RBFOX1: variants seen among roughly 807,000 people sequenced by gnomAD.
RBFOX1 encodes the protein RNA binding protein fox-1 homolog 1.
RBFOX1 carries 8 observed loss-of-function variants against 57.7 expected under a neutral mutation model. The observed-to-expected ratio is 0.14, with a 90% CI of 0.08 to 0.25. RBFOX1 has a LOEUF of 0.25. Ranked by LOEUF, RBFOX1 falls within the 10% of genes least tolerant of loss-of-function variation. The pLI is 1.00. For missense variants in RBFOX1, 611 were observed against 548.5 expected, an observed-to-expected ratio of 1.11 and a Z score of -1.14; for synonymous variants, 326 against 222.4, an observed-to-expected ratio of 1.47 and a Z score of -4.15.
At chr16:6,684,609 G>C (rs1231009197) in intron 3 of RBFOX1, among the ~76,000 whole-genome samples, 1 of 152,190 alleles carries the variant, frequency 6.6e-6, no homozygotes, top group Non-Finnish European at 1.5e-5. Context: ...GATTCTGTGA[G>C]TGAGATGAGG....
chr16:5,765,362 C>T (rs985543546), intron 3 of RBFOX1, among the ~76,000 whole-genome samples: 2 of 152,152 alleles, frequency 1.3e-5, no homozygotes, highest in African/African-American at 4.8e-5. Context: ...AGTCAAATTT[C>T]AGTTTCAATA....
rs183454548 is a variant in RBFOX1 at position 6,895,535 on chromosome 16, A to G, written c.-15-156522A>G. On this transcript the variant is annotated intron_variant, in intron 3 of 15. Coordinates refer to ENST00000550418, the MANE Select transcript of RBFOX1 (RefSeq NM_018723.4). ...GCTGTCGATTCCTCTCATGACCTCT[A>G]CAAGGCAGCTGCACATGATTGATGA... Among the ~76,000 whole-genome samples, 691 of 146,138 alleles carry G rather than the reference A, an allele frequency of 4.7e-3. 4 individuals carry two copies. The highest frequency in any genetic ancestry group is 0.017 in the African/African-American group (662 of 39,346).
intron 3 of RBFOX1, among the ~76,000 whole-genome samples, chr16:6,682,268 C>G (rs1006548714): frequency 2.0e-5 from 3 of 152,202 alleles, no homozygotes; most frequent in Non-Finnish European, 4.4e-5. Flanking sequence ...AGGAAGCACA[C>G]AGCCCTGCCT....
intron 1 of RBFOX1, among the ~76,000 whole-genome samples, chr16:6,076,919 C>T (rs986357123): frequency 3.3e-5 from 5 of 152,192 alleles, no homozygotes; most frequent in African/African-American, 1.2e-4. Flanking sequence ...AGCCAATGGT[C>T]AAGTTTGTTG....
intron 4 of RBFOX1, among the ~76,000 whole-genome samples, chr16:7,479,454 A>G (rs995341674): frequency 2.6e-5 from 4 of 152,100 alleles, no homozygotes; most frequent in African/African-American, 4.8e-5. Context: ...TTACTCTACA[A>G]TGCTTGCCCT....
At chr16:5,586,804 C>A (rs1040580110) in intron 2 of RBFOX1, among the ~76,000 whole-genome samples, 3 of 152,184 alleles carry the variant, frequency 2.0e-5, no homozygotes, top group African/African-American at 7.2e-5. Context: ...GCCCCCATTA[C>A]CCCCAGTTTT....
In RBFOX1 at chr16:5,999,892, AAAAAAAAAAAAAAAAGAGTG is replaced by A. The variant is rs1415710501; in HGVS notation, c.351+132560_351+132579del. The stretch of plus-strand genomic sequence containing the variant: ...CAAAAAAAAAAAAAAAAAAAAAAAA[AAAAAAAAAAAAAAAAGAGTG>A]AAGAAGGGAAATCAGACAAGGAAAG... On this transcript the variant is annotated intron_variant, in intron 4 of 19. Coordinates refer to the RBFOX1 transcript ENST00000641259. 4.7e-4 allele frequency among the ~76,000 whole-genome samples: 38 copies of A among 80,528 alleles called. 2 individuals carry two copies. Among genetic ancestry groups the A allele is most frequent in the Non-Finnish European group, 4.0e-4 (14 of 35,136 alleles). The allele number at this position is 80,528 out of a possible 152,430, so 52.8% of individuals were successfully genotyped here.
At chr16:7,032,847 T>A (rs1177586836) in intron 3 of RBFOX1, among the ~76,000 whole-genome samples, 1 of 152,214 alleles carries the variant, frequency 6.6e-6, no homozygotes, top group Non-Finnish European at 1.5e-5. Context: ...ATAGCCACTC[T>A]GGGAAACTTG....
At chr16:5,454,964 T>TTTCTTTCTTTCTTTCTTTCC in intron 1 of RBFOX1, among the ~76,000 whole-genome samples, 1 of 62,240 alleles carries the variant, frequency 1.6e-5, no homozygotes, top group Non-Finnish European at 3.4e-5. Context: ...CCTTCCTTTC[T>TTTCTTTCTTTCTTTCTTTCC]TTCTTTCTTT....
intron 1 of RBFOX1, among the ~76,000 whole-genome samples, chr16:5,265,516 C>T (rs1335441663): frequency 6.6e-6 from 1 of 152,154 alleles, no homozygotes; most frequent in Non-Finnish European, 1.5e-5. Flanking sequence ...TCCCAACTAT[C>T]AGTAAGAACA....
intron 2 of RBFOX1, among the ~76,000 whole-genome samples, chr16:6,650,799 G>C (rs1475397035): frequency 6.6e-6 from 1 of 152,242 alleles, no homozygotes; most frequent in South Asian, 2.1e-4. Flanking sequence ...CTTTCCTAAT[G>C]ATGCATCCGC....
At chr16:7,390,119 C>A (rs375579028) in intron 4 of RBFOX1, among the ~76,000 whole-genome samples, 1 of 152,044 alleles carries the variant, frequency 6.6e-6, no homozygotes, top group Admixed American at 6.6e-5. Context: ...GGGAGAGGGG[C>A]TACATACTTT....
At chr16:7,451,154 G>C (rs191330462) in intron 4 of RBFOX1, among the ~76,000 whole-genome samples, 23 of 152,180 alleles carry the variant, frequency 1.5e-4, no homozygotes, top group African/African-American at 5.6e-4. Flanking sequence ...CCAGCTTTCT[G>C]GGGGATGAGG....
intron 4 of RBFOX1, among the ~76,000 whole-genome samples, chr16:7,342,930 A>AG (rs1291882727): frequency 1.3e-5 from 2 of 152,192 alleles, no homozygotes; most frequent in African/African-American, 4.8e-5. Context: ...AAACACGTGA[A>AG]GGAGAGTTGA....
intron 1 of RBFOX1, among the ~76,000 whole-genome samples, chr16:6,265,122 T>TG (rs1026857426): frequency 5.3e-5 from 8 of 152,192 alleles, no homozygotes; most frequent in African/African-American, 1.9e-4. Context: ...GACAGTTATC[T>TG]GGGGCTATTT....
chr16:6,254,216 A>G (rs1222402557), intron 1 of RBFOX1, among the ~76,000 whole-genome samples: 3 of 152,170 alleles, frequency 2.0e-5, no homozygotes, highest in African/African-American at 7.2e-5. Context: ...GCCTGTCTGT[A>G]TAGGTTATCA....
At chr16:5,746,248 TAG>T (rs2052976460) in intron 3 of RBFOX1, among the ~76,000 whole-genome samples, 2 of 152,232 alleles carry the variant, frequency 1.3e-5, no homozygotes, top group South Asian at 4.1e-4. Context: ...CAGATGGTTG[TAG>T]ATGTGTGGTA....
At chr16:6,235,558 A>ATGTGTGTGTGTG (rs3064942) in intron 1 of RBFOX1, among the ~76,000 whole-genome samples, 13 of 147,166 alleles carry the variant, frequency 8.8e-5, no homozygotes, top group African/African-American at 3.3e-4. Flanking sequence ...GCGTGTATGT[A>ATGTGTGTGTGTG]TGTGTGTGTG....
chr16:5,375,261 A>G (rs484425), intron 1 of RBFOX1, among the ~76,000 whole-genome samples: 67,332 of 151,982 alleles, frequency 0.44, 15,348 homozygotes, highest in African/African-American at 0.48. Flanking sequence ...TCAATTGACC[A>G]TGGAAGCTGT....
Sources: gnomAD v4.1 joint callset for allele counts (sites outside exome capture counted in the v4.1 genomes callset) on GRCh38, gnomAD v4.1.1 for gene constraint, MANE v1.5 for transcripts, NCBI Gene and HGNC (gene_info 2026-07-23, HGNC 2026-07-21) for gene names.